SMIM41: variants seen among roughly 807,000 people sequenced by gnomAD.
SMIM41 encodes the protein small integral membrane protein 41.
chr12:52,097,513 C>A (rs1940122128), intron 2 of SMIM41, among the ~76,000 whole-genome samples: 1 of 152,082 alleles, frequency 6.6e-6, no homozygotes, highest in Non-Finnish European at 1.5e-5. Flanking sequence ...TCCCTCCCTG[C>A]ATGTTAGCAG....
rs138044778 is a variant in SMIM41 at position 52,096,021 on chromosome 12, G to A, written c.*196-11358G>A. 7.2e-3 allele frequency among the ~76,000 whole-genome samples: 1,093 copies of A among 152,020 alleles called. 11 individuals are homozygous for A. Among genetic ancestry groups the A allele is most frequent in the African/African-American group, 0.025 (1,051 of 41,422 alleles). ...CCCGGCGATATTGGGAGTAATATCA[G>A]CCTCTCCTCTCCATGGATATTGGGA... On this transcript the variant is annotated intron_variant, in intron 2 of 2. Transcript: ENST00000546390.
intron 2 of SMIM41, among the ~76,000 whole-genome samples, chr12:52,106,531 G>A (rs1940342837): frequency 6.6e-6 from 1 of 152,004 alleles, no homozygotes; most frequent in Admixed American, 6.6e-5. Flanking sequence ...TTTAGTAGAG[G>A]CGGGGTTTCA....
Position 52,107,586 on chromosome 12 carries a change from C to A in SMIM41, c.*403C>A, listed in dbSNP as rs758880143. 5 of 684,170 alleles carry A rather than the reference C, an allele frequency of 7.3e-6. No individual in the cohort carries two copies. The highest frequency in any genetic ancestry group is 3.6e-5 in the East Asian group (1 of 28,144). The allele number at this position is 684,170 out of a possible 1,614,324, so 42.4% of individuals were successfully genotyped here. ...GGTCCCCCAGATGACTGTGGACATCCAGTCTCGCAGCAGAGTCATCTCCTA... is the reference window on the plus strand; with the variant it reads ...GGTCCCCCAGATGACTGTGGACATCAAGTCTCGCAGCAGAGTCATCTCCTA... On this transcript the variant is annotated 3_prime_UTR_variant, in exon 3 of 3. Transcript: ENST00000546390.
intron 2 of SMIM41, among the ~76,000 whole-genome samples, chr12:52,100,220 A>G (rs1267710467): frequency 3.3e-5 from 5 of 151,914 alleles, no homozygotes; most frequent in Non-Finnish European, 5.9e-5. Context: ...CGATATGGGG[A>G]GTAATATCAT....
intron 2 of SMIM41, among the ~76,000 whole-genome samples, chr12:52,095,665 A>G (rs1211192521): frequency 6.6e-6 from 1 of 152,048 alleles, no homozygotes; most frequent in Non-Finnish European, 1.5e-5. Flanking sequence ...TCTCTCCTGG[A>G]TCATGGGAAC....
chr12:52,083,240 G>A (rs949633167), intron 1 of SMIM41, among the ~76,000 whole-genome samples: 1 of 151,944 alleles, frequency 6.6e-6, no homozygotes, highest in South Asian at 2.1e-4. Flanking sequence ...GGCAGCAACG[G>A]TCTGACAGTG....
rs113847495 is a variant in SMIM41 at position 52,107,777 on chromosome 12, C to CT, written c.*604dup. 23,134 of 333,898 alleles carry CT rather than the reference C, an allele frequency of 0.069. 560 individuals carry two copies. Among genetic ancestry groups the CT allele is most frequent in the East Asian group, 0.19 (2,427 of 13,072 alleles). 20.7% of individuals were successfully genotyped at this position (333,898 alleles called of 1,614,324 possible). ...TTCTGTGGCTTCCTAGTTTTGCTGT[C>CT]TTTTTTTTTTCTCAGTCTTTTAGAC... is the stretch of plus-strand genomic sequence containing the variant. On this transcript the variant is annotated 3_prime_UTR_variant, in exon 3 of 3. Coordinates refer to ENST00000546390, the MANE Select transcript of SMIM41 (RefSeq NM_001369216.1).
At chr12:52,097,856 T>G (rs959495819) in intron 2 of SMIM41, among the ~76,000 whole-genome samples, 12 of 151,676 alleles carry the variant, frequency 7.9e-5, no homozygotes, top group Admixed American at 4.6e-4. Context: ...ATATAGAGAG[T>G]AGTAGTATTT....
At chr12:52,090,516 G>A (rs534012906) in intron 2 of SMIM41, among the ~76,000 whole-genome samples, 4 of 152,192 alleles carry the variant, frequency 2.6e-5, no homozygotes, top group East Asian at 1.9e-4. Context: ...TGCTGTGGTC[G>A]GGGAACCATG....
intron 2 of SMIM41, among the ~76,000 whole-genome samples, chr12:52,090,446 C>CG (rs200733230): frequency 0.02 from 1,962 of 96,248 alleles, 22 homozygotes; most frequent in African/African-American, 0.043. Context: ...GGGGAGGGGG[C>CG]GGGGGGGAAG....
At chr12:52,097,605 G>C (rs1368359599) in intron 2 of SMIM41, among the ~76,000 whole-genome samples, 1 of 152,072 alleles carries the variant, frequency 6.6e-6, no homozygotes, top group African/African-American at 2.4e-5. Flanking sequence ...GATCACAGAG[G>C]GGTGTACACC....
At chr12:52,097,211 A>AG (rs1451986980) in intron 2 of SMIM41, among the ~76,000 whole-genome samples, 2 of 152,048 alleles carry the variant, frequency 1.3e-5, no homozygotes, top group African/African-American at 2.4e-5. Flanking sequence ...CCAATATCCC[A>AG]GGGGGTGTAT....
chr12:52,084,346 A>G lies in SMIM41; in HGVS notation c.*195+378A>G, dbSNP rs187652567. Among the ~76,000 whole-genome samples the G allele has an allele frequency of 3.1e-3, 464 of 151,574 alleles. 1 individual carries two copies. Among genetic ancestry groups the G allele is most frequent in the African/African-American group, 0.011 (450 of 41,274 alleles). ...AGCCTGGGTGACAAAGCAAGACTCCATCTCAAAACAACAACAACATCAACC... is the reference window on the plus strand; with the variant it reads ...AGCCTGGGTGACAAAGCAAGACTCCGTCTCAAAACAACAACAACATCAACC... On this transcript the variant is annotated intron_variant, in intron 2 of 2. Coordinates refer to ENST00000546390, the MANE Select transcript of SMIM41 (RefSeq NM_001369216.1).
chr12:52,087,422 T>A (rs1275940767), intron 2 of SMIM41, among the ~76,000 whole-genome samples: 1 of 152,210 alleles, frequency 6.6e-6, no homozygotes. Flanking sequence ...TTGCCTCCTG[T>A]TTATGTCTCC....
intron 2 of SMIM41, among the ~76,000 whole-genome samples, chr12:52,096,569 GATT>G (rs981316614): frequency 2.0e-5 from 3 of 151,522 alleles, no homozygotes; most frequent in Middle Eastern, 6.9e-3. Flanking sequence ...AAAGTTTTTG[GATT>G]ATTAACATTA....
At position 52,107,639 on chromosome 12, in the gene SMIM41, C is replaced by T. The variant is rs922197397; in HGVS notation, c.*456C>T. ...CAGGCTGCCTGACTCAGAAGTCTCT[C>T]TTTGCCATTTTTGGAGGCACGGAAG... On this transcript the variant is annotated 3_prime_UTR_variant, in exon 3 of 3. Coordinates refer to ENST00000546390, the MANE Select transcript of SMIM41 (RefSeq NM_001369216.1). 6 of 573,688 alleles carry T rather than the reference C, an allele frequency of 1.0e-5. No homozygotes were observed. Among genetic ancestry groups the T allele is most frequent in the Non-Finnish European group, 2.0e-5 (6 of 298,872 alleles). 35.5% of individuals were successfully genotyped at this position (573,688 alleles called of 1,614,324 possible).
intron 2 of SMIM41, among the ~76,000 whole-genome samples, chr12:52,094,140 AAAAAAGAAAAAG>A (rs1565668202): frequency 6.7e-6 from 1 of 150,120 alleles, no homozygotes; most frequent in Non-Finnish European, 1.5e-5. Context: ...CCGGAAAAAA[AAAAAAGAAAAAG>A]AAAAAAAGAA....
At chr12:52,092,932 A>G (rs1940028519) in intron 2 of SMIM41, among the ~76,000 whole-genome samples, 1 of 152,228 alleles carries the variant, frequency 6.6e-6, no homozygotes, top group South Asian at 2.1e-4. Flanking sequence ...CTGTAATCCC[A>G]GCACTTTGGT....
intron 2 of SMIM41, among the ~76,000 whole-genome samples, chr12:52,086,696 C>A (rs1332685273): frequency 1.3e-5 from 2 of 152,180 alleles, no homozygotes; most frequent in Non-Finnish European, 2.9e-5. Flanking sequence ...AGAGGCTGTG[C>A]TTTATGGCCA....
Sources: gnomAD v4.1 joint callset for allele counts (sites outside exome capture counted in the v4.1 genomes callset) on GRCh38, gnomAD v4.1.1 for gene constraint, MANE v1.5 for transcripts, NCBI Gene and HGNC (gene_info 2026-07-23, HGNC 2026-07-21) for gene names.